Variants in ZNF420 observed in about 807,000 individuals in gnomAD.
ZNF420 encodes ATM and p53-associated KZNF protein.
In ZNF420, 31 loss-of-function variants were observed where a neutral mutation model predicts 44.7. That is an observed-to-expected ratio of 0.69 (90% confidence interval 0.52 to 0.94). The LOEUF is 0.94. Among genes scored for constraint, ZNF420 ranks in the 40% least tolerant of loss-of-function variants. The probability of loss-of-function intolerance (pLI) is 0.00; values close to 1 mark genes in which losing one functional copy is unlikely to be tolerated. For synonymous variants in ZNF420, 245 were observed against 267.4 expected, an observed-to-expected ratio of 0.92 and a Z score of 0.82; for missense variants, 681 against 827.9, an observed-to-expected ratio of 0.82 and a Z score of 2.18.
chr19:37,082,985 A>G (rs1321807179), intron 2 of ZNF420, among the ~76,000 whole-genome samples: 3 of 152,108 alleles, frequency 2.0e-5, no homozygotes, highest in African/African-American at 4.8e-5. Flanking sequence ...TCTTCCCTCT[A>G]TAGTAGCTGG....
At chr19:37,029,712 G>C (rs937697109) in intron 1 of ZNF420, among the ~76,000 whole-genome samples, 9 of 151,862 alleles carry the variant, frequency 5.9e-5, no homozygotes, top group African/African-American at 1.7e-4. Flanking sequence ...TAGTAGAGAC[G>C]GGGTTTCATC....
At chr19:37,061,228 T>A (rs1967874317) in intron 1 of ZNF420, among the ~76,000 whole-genome samples, 1 of 152,212 alleles carries the variant, frequency 6.6e-6, no homozygotes, top group Non-Finnish European at 1.5e-5. Context: ...TACTTTGGAT[T>A]TGCCCCTTTC....
intron 1 of ZNF420, among the ~76,000 whole-genome samples, chr19:37,065,649 T>C (rs1967956589): frequency 6.6e-6 from 1 of 152,250 alleles, no homozygotes; most frequent in African/African-American, 2.4e-5. Flanking sequence ...CTAGAGCCTC[T>C]AGAAAATAAT....
chr19:37,013,451 G>C (rs2074587069), intron 1 of ZNF420, among the ~76,000 whole-genome samples: 1 of 152,182 alleles, frequency 6.6e-6, no homozygotes, highest in Non-Finnish European at 1.5e-5. Flanking sequence ...GCTTTTGCCT[G>C]ACCTCTCAAC....
chr19:37,117,601 A>G (rs1398002797), intron 4 of ZNF420, among the ~76,000 whole-genome samples: 1 of 152,240 alleles, frequency 6.6e-6, no homozygotes, highest in Non-Finnish European at 1.5e-5. Flanking sequence ...CTCACCAGCA[A>G]CAGAACAAAG....
chr19:37,099,781 G>T (rs939211012), intron 4 of ZNF420, among the ~76,000 whole-genome samples: 2 of 151,994 alleles, frequency 1.3e-5, no homozygotes, highest in African/African-American at 4.8e-5. Context: ...ATGCCACCAC[G>T]CCCGGCTAAT....
chr19:37,130,098 C>A lies in ZNF420; in HGVS notation c.*1040C>A. The A allele has an allele frequency of 3.2e-6, 5 of 1,550,254 alleles. No individual in the cohort carries two copies. Among genetic ancestry groups the A allele is most frequent in the Non-Finnish European group, 4.4e-6 (5 of 1,146,868 alleles). On this transcript the variant is annotated 3_prime_UTR_variant, in exon 5 of 5. Coordinates refer to ENST00000337995, the MANE Select transcript of ZNF420 (RefSeq NM_144689.5). ...ATATGAGTAGGAGATTTACGAAATC[C>A]ATTTTTCCTGTCTTTTTTTCCGTGC... is the stretch of plus-strand genomic sequence containing the variant.
intron 4 of ZNF420, among the ~76,000 whole-genome samples, chr19:37,099,919 A>G (rs1204930889): frequency 4.6e-5 from 7 of 152,110 alleles, no homozygotes; most frequent in Admixed American, 4.6e-4. Flanking sequence ...CACCATGCCC[A>G]GGCTGTAGGT....
chr19:37,046,290 T>C (rs1050478065), intron 1 of ZNF420, among the ~76,000 whole-genome samples: 4 of 152,206 alleles, frequency 2.6e-5, no homozygotes, highest in Non-Finnish European at 5.9e-5. Flanking sequence ...TTGAGCATTC[T>C]CATATGTTAT....
At chr19:37,012,184 C>T (rs1302678701) in intron 1 of ZNF420, among the ~76,000 whole-genome samples, 2 of 152,162 alleles carry the variant, frequency 1.3e-5, no homozygotes, top group East Asian at 1.9e-4. Context: ...GTGGTCCAGC[C>T]CTGGGGCGCC....
intron 4 of ZNF420, among the ~76,000 whole-genome samples, chr19:37,126,039 G>A (rs1971329230): frequency 6.6e-6 from 1 of 152,142 alleles, no homozygotes; most frequent in South Asian, 2.1e-4. Context: ...GTGGAAATGT[G>A]GACCCAGATG....
intron 1 of ZNF420, among the ~76,000 whole-genome samples, chr19:37,045,791 C>A (rs1967532577): frequency 6.6e-6 from 1 of 152,202 alleles, no homozygotes; most frequent in African/African-American, 2.4e-5. Flanking sequence ...TCCCACAGGC[C>A]TAAAACAGTG....
intron 1 of ZNF420, among the ~76,000 whole-genome samples, chr19:37,009,489 ACACT>A (rs552999683): frequency 3.3e-5 from 5 of 152,012 alleles, no homozygotes; most frequent in African/African-American, 1.2e-4. Flanking sequence ...TCGGTGACAC[ACACT>A]CACCCCATCT....
chr19:37,045,984 G>A (rs1449249744), intron 1 of ZNF420, among the ~76,000 whole-genome samples: 1 of 152,222 alleles, frequency 6.6e-6, no homozygotes, highest in African/African-American at 2.4e-5. Flanking sequence ...TGAGGAGGAA[G>A]CCAAGGCAGA....
At chr19:37,016,748 A>G (rs1253686268) in intron 1 of ZNF420, among the ~76,000 whole-genome samples, 1 of 152,174 alleles carries the variant, frequency 6.6e-6, no homozygotes, top group Non-Finnish European at 1.5e-5. Context: ...TTGCTGAGGC[A>G]CTAGTTTGCA....
At chr19:37,052,491 G>A (rs1021462122) in intron 1 of ZNF420, among the ~76,000 whole-genome samples, 8 of 152,122 alleles carry the variant, frequency 5.3e-5, no homozygotes, top group Admixed American at 2.0e-4. Context: ...TTTTTGCAGT[G>A]GCTGGTACCG....
intron 1 of ZNF420, among the ~76,000 whole-genome samples, chr19:37,061,365 A>G (rs1967877978): frequency 6.6e-6 from 1 of 152,222 alleles, no homozygotes; most frequent in South Asian, 2.1e-4. Flanking sequence ...AGACTGTTAT[A>G]TATGCTCTTC....
At chr19:37,064,629 C>A (rs1441899995) in intron 1 of ZNF420, among the ~76,000 whole-genome samples, 1 of 152,046 alleles carries the variant, frequency 6.6e-6, no homozygotes, top group Non-Finnish European at 1.5e-5. Flanking sequence ...TTTGATCAGT[C>A]CCCCCTAGAA....
At chr19:37,106,811 C>T (rs1370252167) in intron 4 of ZNF420, 2 of 152,108 alleles carry the variant, frequency 1.3e-5, no homozygotes, top group Non-Finnish European at 2.9e-5. Flanking sequence ...TGATCATTAT[C>T]TCTACCATCT....
Sources: gnomAD v4.1 joint callset for allele counts (sites outside exome capture counted in the v4.1 genomes callset) on GRCh38, gnomAD v4.1.1 for gene constraint, MANE v1.5 for transcripts, NCBI Gene and HGNC (gene_info 2026-07-23, HGNC 2026-07-21) for gene names.